Variants in DAD1 observed in about 807,000 individuals in gnomAD.
DAD1 encodes defender against cell death 1.
In DAD1, 4 loss-of-function variants were observed where a neutral mutation model predicts 9.0. That is an observed-to-expected ratio of 0.44 (90% CI 0.22 to 1.01). The LOEUF (loss-of-function observed/expected upper bound fraction) is 1.01, where lower values mean the gene tolerates loss of function less well. DAD1 is among the 50% of genes least tolerant of loss of function. The pLI is 0.24. For missense variants in DAD1, 119 were observed against 137.3 expected, an observed-to-expected ratio of 0.87 and a Z score of 0.67; for synonymous variants, 60 against 62.5, an observed-to-expected ratio of 0.96 and a Z score of 0.19.
intron 2 of DAD1, among the ~76,000 whole-genome samples, chr14:22,574,408 CA>C (rs932585620): frequency 1.3e-5 from 2 of 151,758 alleles, no homozygotes; most frequent in Admixed American, 6.6e-5. Context: ...TTCTGTCCAT[CA>C]AAAAAAACTC....
rs140235280 is a variant in DAD1 at position 22,568,105 on chromosome 14, G to A, written c.*45-2968C>T. ...GAATATAAAGGTTTAGAGTCCAAAT[G>A]TCTGTTATCCAGTTCCCCCTCAGTC... is the stretch of plus-strand genomic sequence containing the variant. On this transcript the variant is annotated intron_variant, in intron 2 of 2. Coordinates refer to ENST00000250498, the MANE Select transcript of DAD1 (RefSeq NM_001344.4). 3.4e-4 allele frequency among the ~76,000 whole-genome samples: 51 copies of A among 150,364 alleles called. No individual in the cohort carries two copies. In the East Asian group the frequency reaches 8.7e-3, roughly 26 times the overall value.
chr14:22,572,914 A>G (rs1032721008), intron 2 of DAD1, among the ~76,000 whole-genome samples: 4 of 152,180 alleles, frequency 2.6e-5, no homozygotes, highest in African/African-American at 9.7e-5. Context: ...GAGAAGGTCA[A>G]TGTTGGTGGG....
chr14:22,567,400 A>C (rs2037008418), intron 2 of DAD1, among the ~76,000 whole-genome samples: 1 of 152,234 alleles, frequency 6.6e-6, no homozygotes, highest in Non-Finnish European at 1.5e-5. Flanking sequence ...ATGTGAATCA[A>C]AGACCATTCT....
intron 1 of DAD1, among the ~76,000 whole-genome samples, chr14:22,587,134 C>CA (rs890457257): frequency 6.6e-6 from 1 of 152,112 alleles, no homozygotes; most frequent in Non-Finnish European, 1.5e-5. Context: ...GTCATTTGCT[C>CA]AAAAAAACCT....
intron 1 of DAD1, among the ~76,000 whole-genome samples, chr14:22,588,690 G>C (rs1382577554): frequency 6.6e-6 from 1 of 152,216 alleles, no homozygotes. Context: ...CCAATATTAA[G>C]TGAAGTGGAT....
chr14:22,570,062 G>C (rs758079961), intron 2 of DAD1, among the ~76,000 whole-genome samples: 1 of 152,098 alleles, frequency 6.6e-6, no homozygotes, highest in African/African-American at 2.4e-5. Flanking sequence ...TACAAATGTA[G>C]GACAGTTCCC....
At chr14:22,583,878 T>A (rs2037134848) in intron 1 of DAD1, among the ~76,000 whole-genome samples, 1 of 152,094 alleles carries the variant, frequency 6.6e-6, no homozygotes, top group South Asian at 2.1e-4. Flanking sequence ...TCTTATCTAC[T>A]TCTTTTTTTT....
At chr14:22,585,975 G>A (rs966736589) in intron 1 of DAD1, among the ~76,000 whole-genome samples, 2 of 152,188 alleles carry the variant, frequency 1.3e-5, no homozygotes, top group Admixed American at 1.3e-4. Context: ...AGGAGGCCGA[G>A]GCGGGCGAAT....
intron 2 of DAD1, among the ~76,000 whole-genome samples, chr14:22,573,181 G>GT (rs34572621): frequency 5.2e-4 from 77 of 147,164 alleles, no homozygotes; most frequent in Non-Finnish European, 7.4e-4. Flanking sequence ...ACACTTTTGG[G>GT]TTTTTTTTTT....
chr14:22,573,986 C>G (rs1401611173), intron 2 of DAD1, among the ~76,000 whole-genome samples: 3 of 152,126 alleles, frequency 2.0e-5, no homozygotes, highest in African/African-American at 7.2e-5. Flanking sequence ...ATAAAAATGA[C>G]AGCTTTCCAA....
At chr14:22,582,230 A>T (rs553310410) in intron 1 of DAD1, among the ~76,000 whole-genome samples, 1 of 128,108 alleles carries the variant, frequency 7.8e-6, no homozygotes, top group African/African-American at 3.0e-5. Flanking sequence ...AAAAATAAAA[A>T]TAGGCCAGGC....
chr14:22,573,709 C>CAAAAAAAAAAAAAAAAA (rs553176098), intron 2 of DAD1, among the ~76,000 whole-genome samples: 1 of 44,504 alleles, frequency 2.2e-5, no homozygotes, highest in Non-Finnish European at 4.7e-5. Flanking sequence ...GACTCCATCT[C>CAAAAAAAAAAAAAAAAA]AAAAAAAAAA....
intron 2 of DAD1, 147 bp downstream of exon 2, chr14:22,574,912 A>T: frequency 1.7e-6 from 1 of 596,662 alleles, no homozygotes; most frequent in Admixed American, 3.1e-5. Context: ...TTATGATGAT[A>T]TTAATGCATA....
At chr14:22,573,501 T>C (rs764762214) in intron 2 of DAD1, among the ~76,000 whole-genome samples, 12 of 151,830 alleles carry the variant, frequency 7.9e-5, no homozygotes, top group Non-Finnish European at 1.6e-4. Flanking sequence ...GATCACCAGG[T>C]CAGGAGATCG....
Position 22,569,726 on chromosome 14 carries a change from T to C in DAD1, c.*45-4589A>G, listed in dbSNP as rs184194229. On this transcript the variant is annotated intron_variant, in intron 2 of 2. Transcript: ENST00000250498. ...AATCTATTTCGATATTCTTTTTTCT[T>C]TGGTAGCCTTAAATACACCAAATAT... is the stretch of plus-strand genomic sequence containing the variant. Among the ~76,000 whole-genome samples the C allele has an allele frequency of 1.9e-4, 29 of 152,346 alleles. No individual in the cohort carries two copies. In the East Asian group the frequency reaches 3.9e-3, roughly 20 times the overall value.
intron 1 of DAD1, 80 bp downstream of exon 1, chr14:22,588,867 T>A: frequency 7.2e-7 from 1 of 1,386,856 alleles, no homozygotes; most frequent in African/African-American, 1.5e-5. Context: ...GGGGCGGTGG[T>A]CTGATATAGA....
intron 2 of DAD1, among the ~76,000 whole-genome samples, chr14:22,572,497 T>C (rs899312772): frequency 3.3e-5 from 5 of 152,164 alleles, no homozygotes; most frequent in South Asian, 2.1e-4. Flanking sequence ...ATACTCTCCA[T>C]AGAAAGATTT....
chr14:22,582,530 A>AC (rs2037124827), intron 1 of DAD1, among the ~76,000 whole-genome samples: 1 of 152,040 alleles, frequency 6.6e-6, no homozygotes, highest in Non-Finnish European at 1.5e-5. Context: ...TCTCAAAAAT[A>AC]TAAAAAATAA....
chr14:22,578,099 C>T (rs1229057474), intron 1 of DAD1, among the ~76,000 whole-genome samples: 2 of 149,302 alleles, frequency 1.3e-5, no homozygotes, highest in Non-Finnish European at 3.0e-5. Flanking sequence ...ACTAAAAATA[C>T]AAAATTAGCC....
Sources: gnomAD v4.1 joint callset for allele counts (sites outside exome capture counted in the v4.1 genomes callset) on GRCh38, gnomAD v4.1.1 for gene constraint, MANE v1.5 for transcripts, NCBI Gene and HGNC (gene_info 2026-07-23, HGNC 2026-07-21) for gene names.